Variants in ABCB1 observed in about 807,000 individuals in gnomAD.
The protein encoded by ABCB1 is ATP-dependent translocase ABCB1.
A neutral mutation model predicts 142.0 loss-of-function variants in ABCB1; 69 were observed. The ratio of observed to expected loss-of-function variants is 0.49; its 90% confidence interval spans 0.40 to 0.59. The LOEUF (loss-of-function observed/expected upper bound fraction) is 0.59, where lower values mean the gene tolerates loss of function less well. Among genes scored for constraint, ABCB1 ranks in the 20% least tolerant of loss-of-function variants. The pLI is 0.00. For missense variants in ABCB1, 1,326 were observed against 1,554.7 expected, an observed-to-expected ratio of 0.85 and a Z score of 2.47; for synonymous variants, 532 against 539.2, an observed-to-expected ratio of 0.99 and a Z score of 0.18.
upstream of ABCB1, among the ~76,000 whole-genome samples, chr7:87,603,776 G>A (rs1460766238): frequency 6.6e-6 from 1 of 152,178 alleles, no homozygotes; most frequent in African/African-American, 2.4e-5. Context: ...CTTAGATAAG[G>A]ACCATCTCTG....
At chr7:87,679,387 C>T (rs1005562764) in intron 1 of ABCB1, among the ~76,000 whole-genome samples, 3 of 149,626 alleles carry the variant, frequency 2.0e-5, no homozygotes, top group Admixed American at 6.7e-5. Flanking sequence ...GCCACCGTGC[C>T]CGGCCCCCAA....
intron 20 of ABCB1, among the ~76,000 whole-genome samples, chr7:87,535,157 T>G (rs963053053): frequency 9.9e-5 from 15 of 152,086 alleles, no homozygotes; most frequent in African/African-American, 3.6e-4. Flanking sequence ...CTTCTATGCT[T>G]GCCCCCTTCG....
intron 3 of ABCB1, among the ~76,000 whole-genome samples, chr7:87,587,874 C>CAAAAAA (rs35238388): frequency 1.2e-5 from 1 of 82,074 alleles, no homozygotes; most frequent in African/African-American, 4.8e-5. Flanking sequence ...GACTCTGTCT[C>CAAAAAA]AAAAAAAAAA....
At chr7:87,551,638 G>A (rs1261907537) in intron 9 of ABCB1, among the ~76,000 whole-genome samples, 1 of 150,080 alleles carries the variant, frequency 6.7e-6, no homozygotes, top group Non-Finnish European at 1.5e-5. Context: ...CTACAGACAA[G>A]TGCCACCATA....
chr7:87,651,924 TG>T (rs1352209865), intron 1 of ABCB1, among the ~76,000 whole-genome samples: 2 of 152,134 alleles, frequency 1.3e-5, no homozygotes. Context: ...CTGTTAAATT[TG>T]GTTGTTTTGC....
Position 87,549,438 on chromosome 7 carries a change from C to A in ABCB1, c.1635G>T (p.Leu545=), listed in dbSNP as rs201139593. 16 of 1,614,190 alleles carry A rather than the reference C, an allele frequency of 9.9e-6. 1 individual carries two copies. The highest frequency in any genetic ancestry group is 1.6e-4 in the Middle Eastern group (1 of 6,062). The change falls in exon 14 of 28, where the codon CTG becomes CTT. Residue 545 remains leucine, a synonymous_variant. Coordinates refer to ENST00000622132, the MANE Select transcript of ABCB1 (RefSeq NM_001348946.2). ...GCAGGAGGATCTTGGGGTTGCGAACCAGGGCACGTGCAATGGCGATCCTCT... is the reference window on the plus strand; with the variant it reads ...GCAGGAGGATCTTGGGGTTGCGAACAAGGGCACGTGCAATGGCGATCCTCT... The part of the protein sequence containing the change: ...QKQRIAIARA[L]VRNPKILLLD...
At chr7:87,641,127 C>A (rs1230558989) in intron 1 of ABCB1, among the ~76,000 whole-genome samples, 1 of 152,010 alleles carries the variant, frequency 6.6e-6, no homozygotes, top group African/African-American at 2.4e-5. Flanking sequence ...TAAGTTATTT[C>A]TTTAATACTT....
At position 87,536,457 on chromosome 7, in the gene ABCB1, C is replaced by T; in HGVS notation, c.2481+1G>A. 2 of 1,613,882 alleles carry T rather than the reference C, an allele frequency of 1.2e-6. No individual in the cohort carries two copies. The highest frequency in any genetic ancestry group is 1.1e-5 in the South Asian group (1 of 91,070). On this transcript the variant is annotated splice_donor_variant, in intron 20 of 27. Transcript: ENST00000622132. LOFTEE classifies it high-confidence loss of function. ...AACACCAGTAGAAAGGAGGCACGTA[C>T]CCCTTTAACTTGAGCAGCATCATTG...
chr7:87,621,625 A>G (rs943286108), intron 1 of ABCB1, among the ~76,000 whole-genome samples: 1 of 152,174 alleles, frequency 6.6e-6, no homozygotes, highest in South Asian at 2.1e-4. Flanking sequence ...CGAAAATTTG[A>G]TTGCATAAAA....
At chr7:87,616,639 T>C (rs1023214069) in intron 1 of ABCB1, among the ~76,000 whole-genome samples, 4 of 152,190 alleles carry the variant, frequency 2.6e-5, no homozygotes, top group African/African-American at 4.8e-5. Context: ...CAGAGTTTCA[T>C]TAGTTACTCA....
chr7:87,639,153 C>CA (rs71117547), intron 1 of ABCB1, among the ~76,000 whole-genome samples: 75,204 of 88,044 alleles, frequency 0.85, 32,026 homozygotes, highest in South Asian at 0.92. Flanking sequence ...GACTCCGTCT[C>CA]AAAAAAAAAA....
chr7:87,547,536 G>A (rs986980855), intron 14 of ABCB1, among the ~76,000 whole-genome samples: 8 of 150,966 alleles, frequency 5.3e-5, no homozygotes, highest in African/African-American at 1.2e-4. Flanking sequence ...GAGACCAGTC[G>A]GGGCAAGATA....
intron 1 of ABCB1, among the ~76,000 whole-genome samples, chr7:87,600,510 T>TC (rs1819407784): frequency 6.6e-6 from 1 of 152,106 alleles, no homozygotes; most frequent in Non-Finnish European, 1.5e-5. Flanking sequence ...AGAGAGCAGG[T>TC]CCCCGCACCG....
At position 87,515,421 on chromosome 7, in the gene ABCB1, A is replaced by G. The variant is rs745866303; in HGVS notation, c.3092T>C (p.Leu1031Ser). Reference protein sequence around the residue: ...YSTEGLMPNTLEGNVTFGEVV... With the variant: ...YSTEGLMPNTSEGNVTFGEVV... ...TTCACCAAATGTGACATTTCCTTCC[A>G]ATGTGTTCTGCAATGAGAAGAATAA... Residue 1031 changes from leucine to serine, a missense_variant, in exon 25 of 28, where the codon TTG becomes TCG. Transcript: ENST00000622132. 1 of 1,614,068 alleles carries G rather than the reference A, an allele frequency of 6.2e-7. No individual in the cohort carries two copies. Among genetic ancestry groups the G allele is most frequent in the South Asian group, 1.1e-5 (1 of 91,080 alleles).
At position 87,611,272 on chromosome 7, in the gene ABCB1, C is replaced by A. The variant is rs185330777; in HGVS notation, c.-330-10194G>T. On this transcript the variant is annotated intron_variant, in intron 1 of 28. Coordinates refer to the ABCB1 transcript ENST00000265724. ...CCAGTCTTCTGTCAGCTCCTTGGAG[C>A]TTTTCTAGGCTTTATATTGCATAAT... 5.2e-4 allele frequency among the ~76,000 whole-genome samples: 79 copies of A among 152,240 alleles called. 1 individual carries two copies. The East Asian group carries it at 0.015, about 28-fold the overall frequency.
intron 5 of ABCB1, among the ~76,000 whole-genome samples, chr7:87,569,689 T>A (rs1817954194): frequency 6.6e-6 from 1 of 152,200 alleles, no homozygotes; most frequent in Non-Finnish European, 1.5e-5. Flanking sequence ...TCTCTCTTTT[T>A]TTGTGGGGGG....
chr7:87,520,968 T>C, intron 21 of ABCB1, 92 bp from the exon 22 acceptor site: 1 of 920,088 alleles, frequency 1.1e-6, no homozygotes, highest in South Asian at 1.4e-5. Context: ...AAAATAATTT[T>C]ATGATTACAT....
At chr7:87,529,938 G>T (rs557758735) in intron 21 of ABCB1, among the ~76,000 whole-genome samples, 1 of 152,232 alleles carries the variant, frequency 6.6e-6, no homozygotes, top group Admixed American at 6.5e-5. Flanking sequence ...GCCTCCGGGA[G>T]CCTGATAGGA....
At chr7:87,583,114 G>A (rs971615719) in intron 4 of ABCB1, among the ~76,000 whole-genome samples, 1 of 152,168 alleles carries the variant, frequency 6.6e-6, no homozygotes, top group Non-Finnish European at 1.5e-5. Context: ...TGAAAGTTAT[G>A]TAATTTCATT....
Sources: allele counts gnomAD v4.1 joint callset (sites outside exome capture counted in the v4.1 genomes callset), GRCh38; gene constraint gnomAD v4.1.1; transcripts MANE v1.5; gene names NCBI Gene and HGNC (gene_info 2026-07-23, HGNC 2026-07-21).